The following RUVBL1 variants were observed in gnomAD, a reference collection of about 807,000 sequenced individuals.
RUVBL1 encodes the protein ruvB-like 1.
A neutral mutation model predicts 52.4 loss-of-function variants in RUVBL1; 4 were observed. That is an observed-to-expected ratio of 0.08 (90% CI 0.04 to 0.17). The LOEUF (loss-of-function observed/expected upper bound fraction) is 0.17. Among genes scored for constraint, RUVBL1 ranks in the 10% least tolerant of loss-of-function variants. The pLI is 1.00. For missense variants in RUVBL1, 298 were observed against 572.8 expected, an observed-to-expected ratio of 0.52 and a Z score of 4.90; for synonymous variants, 217 against 214.4, an observed-to-expected ratio of 1.01 and a Z score of -0.10.
rs145795065 is a variant in RUVBL1 at position 128,092,462 on chromosome 3, A to T, written c.1017-4654T>A. Among the ~76,000 whole-genome samples, 11 of 152,276 alleles carry T rather than the reference A, an allele frequency of 7.2e-5. No individual in the cohort carries two copies. In the East Asian group the frequency reaches 1.9e-3, roughly 27 times the overall value. ...TATAAATCATATATAAATGATAAAG[A>T]TCTAGTATCCAGAATATATAAAGAA... is the stretch of plus-strand genomic sequence containing the variant. On this transcript the variant is annotated intron_variant, in intron 8 of 10. Transcript: ENST00000322623.
chr3:128,118,933 A>G (rs1943584399), intron 2 of RUVBL1, among the ~76,000 whole-genome samples: 1 of 152,198 alleles, frequency 6.6e-6, no homozygotes, highest in Non-Finnish European at 1.5e-5. Flanking sequence ...ACACAGCCAC[A>G]ATAGCGATGC....
intron 1 of RUVBL1, 57 bp from the exon 2 acceptor site, chr3:128,119,471 A>G: frequency 2.1e-6 from 3 of 1,438,302 alleles, no homozygotes; most frequent in Non-Finnish European, 2.9e-6. Flanking sequence ...TCACAAGGGG[A>G]AAAATCTCAG....
At chr3:128,094,326 T>G (rs950215083) in intron 8 of RUVBL1, among the ~76,000 whole-genome samples, 2 of 152,196 alleles carry the variant, frequency 1.3e-5, no homozygotes, top group Non-Finnish European at 2.9e-5. Flanking sequence ...AAGGGTCATT[T>G]ACACAGGGAG....
intron 1 of RUVBL1, among the ~76,000 whole-genome samples, chr3:128,150,807 CTATAT>C (rs1278862610): frequency 3.5e-5 from 3 of 85,074 alleles, no homozygotes; most frequent in Non-Finnish European, 6.2e-5. Flanking sequence ...ATTATATATT[CTATAT>C]ATTATATATT....
At chr3:128,071,460 G>A (rs1942165331) in intron 9 of RUVBL1, 1 of 152,698 alleles carries the variant, frequency 6.5e-6, no homozygotes. Flanking sequence ...GTGGGCAGGG[G>A]GCTGGAAGGC....
chr3:128,119,506 C>T (rs1943596687), intron 1 of RUVBL1, 92 bp from the exon 2 acceptor site: 1 of 977,310 alleles, frequency 1.0e-6, no homozygotes, highest in Non-Finnish European at 1.5e-6. Context: ...AAGTCACACA[C>T]TCATCCAACT....
intron 9 of RUVBL1, chr3:128,075,719 C>G (rs1942296427): frequency 6.6e-6 from 1 of 152,104 alleles, no homozygotes; most frequent in Non-Finnish European, 1.5e-5. Flanking sequence ...AGCCTGGGCC[C>G]GAAACGCCAC....
At chr3:128,143,879 C>CT (rs1428562159) in intron 1 of RUVBL1, among the ~76,000 whole-genome samples, 2 of 152,148 alleles carry the variant, frequency 1.3e-5, no homozygotes, top group African/African-American at 4.8e-5. Context: ...TTGAGGAGCT[C>CT]TTACAAAAGA....
At chr3:128,102,705 G>A (rs1379731604) in intron 4 of RUVBL1, among the ~76,000 whole-genome samples, 2 of 152,258 alleles carry the variant, frequency 1.3e-5, no homozygotes, top group Non-Finnish European at 2.9e-5. Context: ...CTGTAAATGA[G>A]TAGGAGGATT....
chr3:128,137,730 T>C (rs6414310), intron 1 of RUVBL1, among the ~76,000 whole-genome samples: 1 of 152,018 alleles, frequency 6.6e-6, no homozygotes, highest in African/African-American at 2.4e-5. Context: ...CAAAGACGTA[T>C]CAAAAGAAGA....
intron 1 of RUVBL1, among the ~76,000 whole-genome samples, chr3:128,143,336 C>T (rs1335450793): frequency 6.6e-6 from 1 of 152,060 alleles, no homozygotes; most frequent in African/African-American, 2.4e-5. Flanking sequence ...CTATGCCCAG[C>T]TAATTTTTGT....
At chr3:128,108,685 C>T (rs1275277651) in intron 3 of RUVBL1, among the ~76,000 whole-genome samples, 3 of 147,346 alleles carry the variant, frequency 2.0e-5, no homozygotes, top group Non-Finnish European at 4.4e-5. Flanking sequence ...GACAGTGTGA[C>T]ACCTTGTCTC....
rs370080824 is a variant in RUVBL1, at chr3:128,081,243, A to G, written c.*7T>C. The G allele has an allele frequency of 1.5e-4, 235 of 1,611,924 alleles. No individual in the cohort carries two copies. The highest frequency in any genetic ancestry group is 1.9e-4 in the Non-Finnish European group (229 of 1,178,210). On this transcript the variant is annotated 3_prime_UTR_variant, in exon 11 of 11. Coordinates refer to ENST00000322623, the MANE Select transcript of RUVBL1 (RefSeq NM_003707.3). This position sits in a 1 kb window ranked among gnomAD's most constrained non-coding sequence, Gnocchi z 4.8. ...GGAGTCTCTTACTGCTGAAAACCTC[A>G]GCCATCTCACTTCATGTACTTATCC...
Position 128,098,795 on chromosome 3 carries a change from G to T in RUVBL1, c.817+87C>A. On this transcript the variant is annotated intron_variant, in intron 7 of 10. Transcript: ENST00000322623. Reference sequence around the variant, plus strand: ...CTGTTCTGAGGCATTTCCTCAGGGCGACTGTGCTCACAGAGCCGCAAGAGC... The same window carrying T: ...CTGTTCTGAGGCATTTCCTCAGGGCTACTGTGCTCACAGAGCCGCAAGAGC... 5 of 1,094,852 alleles carry T rather than the reference G, an allele frequency of 4.6e-6. No individual in the cohort carries two copies. In the South Asian group the frequency reaches 5.0e-5, roughly 11 times the overall value. The allele number at this position is 1,094,852 out of a possible 1,614,324, so 67.8% of individuals were successfully genotyped here. A position where few individuals can be genotyped will look rare whatever the true frequency, so the allele number is the denominator to read the frequency against.
At chr3:128,065,960 TCTCGATCTCCTGAC>T (rs539490323) in intron 9 of RUVBL1, among the ~76,000 whole-genome samples, 14 of 152,012 alleles carry the variant, frequency 9.2e-5, no homozygotes, top group Admixed American at 2.6e-4. Context: ...GCCAGGATGG[TCTCGATCTCCTGAC>T]CTCGTGATCC....
rs1356055614 is a variant in RUVBL1, at chr3:128,082,474, C to G, written c.1211+9G>C. On this transcript the variant is annotated intron_variant, in intron 10 of 10. Transcript: ENST00000322623. This position sits in a 1 kb window ranked among gnomAD's most constrained non-coding sequence, Gnocchi z 4.7. Reference sequence around the variant, plus strand: ...GGGAGGCCCCGGCGGGCCCAGGGTACCAGCTCACCTCAGTGTGGTCTTGGT... The same window carrying G: ...GGGAGGCCCCGGCGGGCCCAGGGTAGCAGCTCACCTCAGTGTGGTCTTGGT... The G allele has an allele frequency of 6.2e-7, 1 of 1,611,664 alleles. No individual in the cohort carries two copies. The highest frequency in any genetic ancestry group is 2.2e-5 in the East Asian group (1 of 44,858).
intron 8 of RUVBL1, among the ~76,000 whole-genome samples, chr3:128,094,352 A>C (rs906148619): frequency 6.6e-6 from 1 of 152,196 alleles, no homozygotes; most frequent in African/African-American, 2.4e-5. Context: ...AGCGGCAAGA[A>C]GCCGAGAGGG....
At chr3:128,124,027 A>T, upstream of RUVBL1, 1 of 531,014 alleles carries the variant, frequency 1.9e-6, no homozygotes, top group Non-Finnish European at 2.4e-6. Context: ...CCCGGATTTG[A>T]TCTAGGGCTG....
chr3:128,074,700 G>T (rs564385159), intron 9 of RUVBL1, among the ~76,000 whole-genome samples: 3 of 152,070 alleles, frequency 2.0e-5, no homozygotes, highest in African/African-American at 7.2e-5. Flanking sequence ...AAATTAGCTG[G>T]GTGTGGTGGC....
Sources: gnomAD v4.1 joint callset for allele counts (sites outside exome capture counted in the v4.1 genomes callset) on GRCh38, gnomAD v4.1.1 for gene constraint, Gnocchi (gnomAD v3.1) non-coding constraint, MANE v1.5 for transcripts, NCBI Gene and HGNC (gene_info 2026-07-23, HGNC 2026-07-21) for gene names.